The following NOS1 variants were observed in gnomAD, a reference collection of about 807,000 sequenced individuals.
NOS1 encodes nitric oxide synthase 1.
NOS1 carries 51 observed loss-of-function variants against 164.5 expected under a neutral mutation model. The observed-to-expected ratio is 0.31, with a 90% CI of 0.25 to 0.39. The LOEUF (loss-of-function observed/expected upper bound fraction) is 0.39. NOS1 is among the 10% of genes least tolerant of loss of function. The pLI is 1.00. For missense variants in NOS1, 1,362 were observed against 1,885.6 expected (o/e 0.72, Z 5.14); for synonymous variants, 719 against 745.8 (o/e 0.96, Z 0.59).
intron 13 of NOS1, among the ~76,000 whole-genome samples, chr12:117,261,124 G>A (rs930810852): frequency 2.9e-5 from 4 of 136,734 alleles, no homozygotes; most frequent in African/African-American, 8.6e-5. Context: ...AGCCGAGATC[G>A]CACCACTGGG....
At chr12:117,294,677 G>C (rs947456704) in intron 3 of NOS1, among the ~76,000 whole-genome samples, 4 of 152,180 alleles carry the variant, frequency 2.6e-5, no homozygotes, top group Non-Finnish European at 5.9e-5. Context: ...TGGTCAAAAT[G>C]CAGATTAGCA....
rs571815560 is a variant in NOS1 at position 117,208,187 on chromosome 12, A to G, written c.*7122T>C. 11 of 989,470 alleles carry G rather than the reference A, an allele frequency of 1.1e-5. No homozygotes were observed. The highest frequency in any genetic ancestry group is 2.9e-5 in the Admixed American group (1 of 34,418). The allele number at this position is 989,470 out of a possible 1,614,324, so 61.3% of individuals were successfully genotyped here. A position where few individuals can be genotyped will look rare whatever the true frequency, so the allele number is the denominator to read the frequency against. On this transcript the variant is annotated 3_prime_UTR_variant, in exon 29 of 29. Transcript: ENST00000317775. ...TGTAACCATAATGCAAACAAGCATAATAGGCTTTTGTTGAATCCCATAAAA... is the reference window on the plus strand; with the variant it reads ...TGTAACCATAATGCAAACAAGCATAGTAGGCTTTTGTTGAATCCCATAAAA...
intron 3 of NOS1, among the ~76,000 whole-genome samples, chr12:117,291,690 T>C (rs912155566): frequency 6.6e-6 from 1 of 152,026 alleles, no homozygotes; most frequent in African/African-American, 2.4e-5. Flanking sequence ...CGTGTCACCA[T>C]GCCCAGCTAA....
rs780556911 is a variant in NOS1 at position 117,330,533 on chromosome 12, G to A, written c.537C>T (p.Ala179=). 1.9e-5 allele frequency: 30 copies of A among 1,613,708 alleles called. No homozygotes were observed. Among genetic ancestry groups the A allele is most frequent in the Non-Finnish European group, 2.5e-5 (29 of 1,179,994 alleles). The change falls in exon 2 of 29, where the codon GCC becomes GCT. Residue 179 remains alanine, a synonymous_variant. Coordinates refer to ENST00000317775, the MANE Select transcript of NOS1 (RefSeq NM_000620.5). The surrounding 1 kb of genome is among the most constrained non-coding windows in gnomAD (Gnocchi z 4.6). ...CGGGGTCCTGGCCTGGGGGCCTGGGGGCCAGGCCGTTGGCATGGGGGAGTG... is the reference window on the plus strand; with the variant it reads ...CGGGGTCCTGGCCTGGGGGCCTGGGAGCCAGGCCGTTGGCATGGGGGAGTG... ...AGSLPHANGL[A]PRPPGQDPAK...
chr12:117,235,655 A>G (rs889431389), intron 20 of NOS1, among the ~76,000 whole-genome samples: 3 of 152,246 alleles, frequency 2.0e-5, no homozygotes, highest in African/African-American at 7.2e-5. Context: ...ACCTTTCTGC[A>G]TTGATTTTTG....
intron 2 of NOS1, among the ~76,000 whole-genome samples, chr12:117,328,669 A>T (rs1437829022): frequency 6.6e-6 from 1 of 151,976 alleles, no homozygotes; most frequent in Non-Finnish European, 1.5e-5. Flanking sequence ...GGTCCAAGTG[A>T]TTCTCCTGCC....
chr12:117,210,843 T>C lies in NOS1; in HGVS notation c.*4466A>G. On this transcript the variant is annotated 3_prime_UTR_variant, in exon 29 of 29. Coordinates refer to ENST00000317775, the MANE Select transcript of NOS1 (RefSeq NM_000620.5). ...CTGGACTTGGGAAGGATTCACCCTG[T>C]TGACTCCAGAGAAGCTGACTATCAC... The C allele has an allele frequency of 3.0e-6, 3 of 985,464 alleles. No individual in the cohort carries two copies. Among genetic ancestry groups the C allele is most frequent in the Non-Finnish European group, 3.6e-6 (3 of 829,946 alleles). The allele number at this position is 985,464 out of a possible 1,614,324, so 61.0% of individuals were successfully genotyped here. A position where few individuals can be genotyped will look rare whatever the true frequency, so the allele number is the denominator to read the frequency against.
intron 12 of NOS1, among the ~76,000 whole-genome samples, chr12:117,264,794 A>AGTGG (rs1872250978): frequency 6.7e-6 from 1 of 150,034 alleles, no homozygotes; most frequent in East Asian, 2.0e-4. Flanking sequence ...ATATCGGCTC[A>AGTGG]CTGCAACCTC....
rs2135912576 is a variant in NOS1 at position 117,213,714 on chromosome 12, C to T, written c.*1595G>A. 2 of 985,414 alleles carry T rather than the reference C, an allele frequency of 2.0e-6. No homozygotes were observed. The highest frequency in any genetic ancestry group is 2.4e-6 in the Non-Finnish European group (2 of 829,940). 61.0% of individuals were successfully genotyped at this position (985,414 alleles called of 1,614,324 possible). On this transcript the variant is annotated 3_prime_UTR_variant, in exon 29 of 29. Transcript: ENST00000317775. ...AATGTGGTTTTTCTGTATAGCAAGA[C>T]ACAACAAACAGGGTAGAACCAGCAG...
intron 3 of NOS1, among the ~76,000 whole-genome samples, chr12:117,302,886 C>T (rs574111231): frequency 1.3e-5 from 2 of 152,184 alleles, no homozygotes. Flanking sequence ...GCTGGGACTA[C>T]AGGCACACGC....
chr12:117,316,392 T>C (rs1331842993), intron 2 of NOS1, among the ~76,000 whole-genome samples: 2 of 152,098 alleles, frequency 1.3e-5, no homozygotes, highest in African/African-American at 2.4e-5. Flanking sequence ...CTCCTCCCTC[T>C]TCCCGAGGAG....
At position 117,280,836 on chromosome 12, in the gene NOS1, T is replaced by C; in HGVS notation, c.1413A>G (p.Thr471=). Residue 471 remains threonine (T), a synonymous_variant, in exon 8 of 29, where the codon ACA becomes ACG. Coordinates refer to ENST00000317775, the MANE Select transcript of NOS1 (RefSeq NM_000620.5). The part of the protein sequence containing the change: ...RSAITIFPQR[T]DGKHDFRVWN... ...AGACTCGGAAGTCGTGCTTGCCGTC[T>C]GTCCTCTGGGGGAATATGGTGATGG... 6.2e-6 allele frequency: 10 copies of C among 1,614,160 alleles called. No individual in the cohort carries two copies. The highest frequency in any genetic ancestry group is 8.5e-6 in the Non-Finnish European group (10 of 1,180,030).
At chr12:117,326,586 G>T (rs559212545) in intron 2 of NOS1, among the ~76,000 whole-genome samples, 1 of 152,250 alleles carries the variant, frequency 6.6e-6, no homozygotes, top group Non-Finnish European at 1.5e-5. Context: ...TCTGAAGCAG[G>T]TTTTTTGGCC....
intron 1 of NOS1, among the ~76,000 whole-genome samples, chr12:117,333,026 C>T (rs1875622419): frequency 6.6e-6 from 1 of 152,214 alleles, no homozygotes; most frequent in Admixed American, 6.5e-5. Flanking sequence ...GCTGGAGATG[C>T]TGTGGCCCAG....
Position 117,331,477 on chromosome 12 carries a change from G to A in NOS1, c.-408C>T. ...AGCCTGTTAGATGCGGATCAGATCT[G>A]AGGCATCATGAGCTGAAGAGGAAGA... On this transcript the variant is annotated 5_prime_UTR_variant, in exon 2 of 29. It introduces an in-frame stop codon into an upstream open reading frame of the 5' UTR. Transcript: ENST00000317775. The A allele has an allele frequency of 5.7e-6, 1 of 175,120 alleles. No individual in the cohort carries two copies. Among genetic ancestry groups the A allele is most frequent in the Non-Finnish European group, 1.2e-5 (1 of 81,318 alleles). The allele number at this position is 175,120 out of a possible 1,614,324, so 10.8% of individuals were successfully genotyped here.
At chr12:117,257,298 G>T (rs144662517) in intron 16 of NOS1, among the ~76,000 whole-genome samples, 1 of 152,002 alleles carries the variant, frequency 6.6e-6, no homozygotes, top group East Asian at 1.9e-4. Flanking sequence ...TGCCCAGGCT[G>T]GTTTGAACTC....
rs1252978806 is a variant in NOS1, at chr12:117,213,727, GTAGAAC to G, written c.*1576_*1581del. On this transcript the variant is annotated 3_prime_UTR_variant, in exon 29 of 29. Transcript: ENST00000317775. ...TGTATAGCAAGACACAACAAACAGGGTAGAACCAGCAGAACATTCCCTTTCCATCCT... is the reference window on the plus strand; with the variant it reads ...TGTATAGCAAGACACAACAAACAGGGCAGCAGAACATTCCCTTTCCATCCT... The G allele has an allele frequency of 1.0e-6, 1 of 985,288 alleles. No individual in the cohort carries two copies. Among genetic ancestry groups the G allele is most frequent in the East Asian group, 1.1e-4 (1 of 8,826 alleles). The allele number at this position is 985,288 out of a possible 1,614,324, so 61.0% of individuals were successfully genotyped here. A position where few individuals can be genotyped will look rare whatever the true frequency, so the allele number is the denominator to read the frequency against.
intron 1 of NOS1, among the ~76,000 whole-genome samples, chr12:117,349,494 G>C (rs1566086950): frequency 6.6e-6 from 1 of 152,094 alleles, no homozygotes; most frequent in African/African-American, 2.4e-5. Flanking sequence ...TCCCTTGTGG[G>C]GTAATGGAGA....
intron 1 of NOS1, among the ~76,000 whole-genome samples, chr12:117,335,289 G>A (rs1398075618): frequency 6.6e-6 from 1 of 152,120 alleles, no homozygotes; most frequent in Non-Finnish European, 1.5e-5. Flanking sequence ...TGGGTGGGGG[G>A]CACCGTCTAG....
Sources: gnomAD v4.1 joint callset for allele counts (sites outside exome capture counted in the v4.1 genomes callset) on GRCh38, gnomAD v4.1.1 for gene constraint, Gnocchi (gnomAD v3.1) non-coding constraint, MANE v1.5 for transcripts, NCBI Gene and HGNC (gene_info 2026-07-23, HGNC 2026-07-21) for gene names.